COA1: variants seen among roughly 807,000 people sequenced by gnomAD.
COA1 encodes the protein cytochrome c oxidase assembly factor 1 homolog.
In COA1, 13 loss-of-function variants were observed where a neutral mutation model predicts 16.0. The observed-to-expected ratio is 0.81, with a 90% confidence interval of 0.53 to 1.29. The LOEUF is 1.29. Ranked by LOEUF, COA1 falls within the 50% of genes most tolerant of loss-of-function variation. The pLI is 0.00. For missense variants in COA1, 179 were observed against 177.0 expected (o/e 1.01, Z -0.06); for synonymous variants, 65 against 65.7 (o/e 0.99, Z 0.05).
At chr7:43,641,000 G>T in intron 4 of COA1, 1 of 197,372 alleles carries the variant, frequency 5.1e-6, no homozygotes, top group East Asian at 1.5e-4. Context: ...CCAAGCCAAA[G>T]GGCTTTACAC....
At chr7:43,691,438 AAAG>A (rs1202322890) in intron 1 of COA1, among the ~76,000 whole-genome samples, 1 of 113,686 alleles carries the variant, frequency 8.8e-6, no homozygotes, top group African/African-American at 3.9e-5. Flanking sequence ...AGAAAGAAAG[AAAG>A]AAAGAAAGAA....
intron 1 of COA1, among the ~76,000 whole-genome samples, chr7:43,653,336 C>T (rs112529112): frequency 0.055 from 8,400 of 151,566 alleles, 345 homozygotes; most frequent in Admixed American, 0.11. Flanking sequence ...AAAGTATGAA[C>T]GGCAAAAACA....
intron 6 of COA1, among the ~76,000 whole-genome samples, chr7:43,629,554 T>C (rs1165786024): frequency 1.3e-5 from 2 of 152,222 alleles, no homozygotes; most frequent in African/African-American, 4.8e-5. Context: ...TTCAGCTTTT[T>C]TTGTTTGCTT....
chr7:43,697,215 T>C (rs1398842328), intron 1 of COA1, among the ~76,000 whole-genome samples: 1 of 152,160 alleles, frequency 6.6e-6, no homozygotes, highest in African/African-American at 2.4e-5. Context: ...GGTACATGGG[T>C]ATTTGTTATG....
At chr7:43,612,015 T>A (rs2082922921) in intron 6 of COA1, among the ~76,000 whole-genome samples, 1 of 152,240 alleles carries the variant, frequency 6.6e-6, no homozygotes, top group Non-Finnish European at 1.5e-5. Context: ...ATACCAACTT[T>A]AAGTGTGTAT....
chr7:43,627,993 T>G (rs900145484), intron 6 of COA1, among the ~76,000 whole-genome samples: 1 of 152,128 alleles, frequency 6.6e-6, no homozygotes, highest in African/African-American at 2.4e-5. Flanking sequence ...TTGTTTTGTG[T>G]TGTGTTGTTG....
At chr7:43,656,826 A>G (rs2091785208) in intron 1 of COA1, among the ~76,000 whole-genome samples, 1 of 111,162 alleles carries the variant, frequency 9.0e-6, no homozygotes. Flanking sequence ...ATTAAAAAAG[A>G]AAAGAAAAGA....
At chr7:43,636,275 G>T (rs946578819), downstream of COA1, among the ~76,000 whole-genome samples, 1 of 152,182 alleles carries the variant, frequency 6.6e-6, no homozygotes, top group Admixed American at 6.5e-5. Flanking sequence ...CTAAGGAGGT[G>T]AGAATCTTCT....
Position 43,647,573 on chromosome 7 carries a change from T to C in COA1, c.77A>G (p.Tyr26Cys), listed in dbSNP as rs144279297. ...GARILFHGVF[Y>C]AGGFAIVYYL... Reference sequence around the variant, plus strand: ...ATACACAATGGCAAAGCCCCCGGCATAGAACACACCGTGGAAAAGGATCCT... The same window carrying C: ...ATACACAATGGCAAAGCCCCCGGCACAGAACACACCGTGGAAAAGGATCCT... The change falls in exon 3 of 6, where the codon TAT (tyrosine) becomes TGT (cysteine). Residue 26 changes from tyrosine to cysteine, a missense_variant. Coordinates refer to ENST00000223336, the MANE Select transcript of COA1 (RefSeq NM_018224.4). 67 of 1,614,138 alleles carry C rather than the reference T, an allele frequency of 4.2e-5. 1 individual carries two copies. Among genetic ancestry groups the C allele is most frequent in the Middle Eastern group, 3.3e-4 (2 of 6,062 alleles).
At chr7:43,626,554 A>G (rs1563176363) in intron 6 of COA1, 2 of 152,222 alleles carry the variant, frequency 1.3e-5, no homozygotes, top group Non-Finnish European at 2.9e-5. Flanking sequence ...AGAGTTTTTA[A>G]TGAATATCCA....
chr7:43,697,743 G>C (rs2094575773), intron 1 of COA1, among the ~76,000 whole-genome samples: 1 of 152,076 alleles, frequency 6.6e-6, no homozygotes, highest in Non-Finnish European at 1.5e-5. Flanking sequence ...TTCCATCTCA[G>C]CTTCTTTTCC....
chr7:43,658,181 C>CCTGGCTAACA (rs2092007094), intron 1 of COA1, among the ~76,000 whole-genome samples: 1 of 151,762 alleles, frequency 6.6e-6, no homozygotes, highest in Non-Finnish European at 1.5e-5. Context: ...TCGAGACCAT[C>CCTGGCTAACA]CTGGCTAACA....
At chr7:43,639,032 A>G (rs2086428714), downstream of COA1, 1 of 152,318 alleles carries the variant, frequency 6.6e-6, no homozygotes, top group Non-Finnish European at 1.5e-5. Flanking sequence ...AGAAATAAAT[A>G]AAAGCAAAGC....
chr7:43,726,026 A>G (rs1169458406), intron 1 of COA1, among the ~76,000 whole-genome samples: 3 of 152,130 alleles, frequency 2.0e-5, no homozygotes, highest in East Asian at 1.9e-4. Context: ...CTCTGCATAC[A>G]TTAAATAATC....
At chr7:43,681,844 C>A (rs903580556) in intron 1 of COA1, among the ~76,000 whole-genome samples, 6 of 152,124 alleles carry the variant, frequency 3.9e-5, no homozygotes, top group Non-Finnish European at 5.9e-5. Flanking sequence ...TAAATGATAA[C>A]CTGAAAACCC....
At chr7:43,616,607 G>T (rs537061943) in intron 6 of COA1, among the ~76,000 whole-genome samples, 2 of 152,208 alleles carry the variant, frequency 1.3e-5, no homozygotes, top group African/African-American at 2.4e-5. Context: ...TTAAAAAGAG[G>T]GACCGTCTGG....
intron 1 of COA1, among the ~76,000 whole-genome samples, chr7:43,674,221 C>T (rs184410628): frequency 6.6e-6 from 1 of 152,148 alleles, no homozygotes; most frequent in African/African-American, 2.4e-5. Flanking sequence ...CTCCCCCACC[C>T]AATAGCTCCA....
chr7:43,608,538 C>T (rs1321443963), exon 7 of COA1: 2 of 979,808 alleles, frequency 2.0e-6, no homozygotes, highest in African/African-American at 1.6e-5. Flanking sequence ...GTCTTTACTC[C>T]TATCCTCTAG....
intron 1 of COA1, among the ~76,000 whole-genome samples, chr7:43,674,134 A>AC (rs1440488480): frequency 6.6e-6 from 1 of 152,146 alleles, no homozygotes; most frequent in Non-Finnish European, 1.5e-5. Context: ...CTGCACATGT[A>AC]CCCCTCAACC....
Sources: gnomAD v4.1 joint callset for allele counts (sites outside exome capture counted in the v4.1 genomes callset) on GRCh38, gnomAD v4.1.1 for gene constraint, MANE v1.5 for transcripts, NCBI Gene and HGNC (gene_info 2026-07-23, HGNC 2026-07-21) for gene names.